The following ANXA9 variants were observed in gnomAD, a reference collection of about 807,000 sequenced individuals.
ANXA9 encodes annexin 31.
ANXA9 carries 47 observed loss-of-function variants against 51.8 expected under a neutral mutation model. The ratio of observed to expected loss-of-function variants is 0.91; its 90% CI spans 0.72 to 1.16. The LOEUF (loss-of-function observed/expected upper bound fraction) is 1.16, where lower values mean the gene tolerates loss of function less well. ANXA9 is among the 50% of genes most tolerant of loss of function. The pLI, the probability that ANXA9 is intolerant of heterozygous loss-of-function variation, is 0.00. For missense variants in ANXA9, 361 were observed against 424.7 expected (o/e 0.85, Z 1.32); for synonymous variants, 154 against 168.7 (o/e 0.91, Z 0.68).
chr1:150,981,073 A>G (rs1423146434), upstream of ANXA9, among the ~76,000 whole-genome samples: 1 of 152,112 alleles, frequency 6.6e-6, no homozygotes, highest in African/African-American at 2.4e-5. Flanking sequence ...TCCCATTTAG[A>G]GAGCTGAAAG....
At chr1:150,984,881 G>A (rs1420978672) in intron 7 of ANXA9, among the ~76,000 whole-genome samples, 1 of 152,010 alleles carries the variant, frequency 6.6e-6, no homozygotes, top group East Asian at 1.9e-4. Flanking sequence ...AGAGAAGCAG[G>A]CCAGGTACGG....
chr1:150,995,218 G>A, intron 13 of ANXA9, 42 bp from the exon 14 acceptor site: 1 of 1,589,088 alleles, frequency 6.3e-7, no homozygotes, highest in Non-Finnish European at 8.6e-7. Flanking sequence ...TTGGGCCATA[G>A]TGGTGGTGGA....
Position 150,986,673 on chromosome 1 carries a change from G to A in ANXA9, c.612+12G>A, listed in dbSNP as rs746092912. 3.8e-6 allele frequency: 6 copies of A among 1,585,420 alleles called. No individual in the cohort carries two copies. The highest frequency in any genetic ancestry group is 3.4e-6 in the Non-Finnish European group (4 of 1,171,350). On this transcript the variant is annotated intron_variant, in intron 9 of 13. Transcript: ENST00000368947. ...AACAAGATGTCCAGGTGAGCAGGGGGTTTAGGAGTGTGCACAGCCGCCATG... is the reference window on the plus strand; with the variant it reads ...AACAAGATGTCCAGGTGAGCAGGGGATTTAGGAGTGTGCACAGCCGCCATG...
chr1:150,985,865 C>A (rs1223608654), intron 7 of ANXA9, among the ~76,000 whole-genome samples: 3 of 152,146 alleles, frequency 2.0e-5, no homozygotes, highest in Non-Finnish European at 2.9e-5. Flanking sequence ...CCGCCCTGGC[C>A]GTGGCCTATG....
Position 150,994,568 on chromosome 1 carries a change from C to T in ANXA9, c.853-9C>T. On this transcript the variant is annotated splice_polypyrimidine_tract_variant and intron_variant, in intron 12 of 13. Coordinates refer to ENST00000368947, the MANE Select transcript of ANXA9 (RefSeq NM_003568.3). Reference sequence around the variant, plus strand: ...CTAACTACCCCCCATCTCTTTCTTCCCCTACTAGGAAACTGAGCCCAATTA... The same window carrying T: ...CTAACTACCCCCCATCTCTTTCTTCTCCTACTAGGAAACTGAGCCCAATTA... 2.5e-6 allele frequency: 4 copies of T among 1,613,652 alleles called. No homozygotes were observed. Among genetic ancestry groups the T allele is most frequent in the Non-Finnish European group, 3.4e-6 (4 of 1,179,690 alleles).
chr1:150,984,974 G>A (rs1007583699), intron 7 of ANXA9, among the ~76,000 whole-genome samples: 6 of 151,888 alleles, frequency 4.0e-5, no homozygotes, highest in Admixed American at 2.0e-4. Flanking sequence ...CCAGTCACAG[G>A]CAATAAAGGA....
At chr1:150,993,592 G>A (rs1170808384) in intron 12 of ANXA9, among the ~76,000 whole-genome samples, 3 of 148,420 alleles carry the variant, frequency 2.0e-5, no homozygotes, top group Non-Finnish European at 4.4e-5. Flanking sequence ...TTACAGGCAT[G>A]AGCCACCACA....
rs374591781 is a variant in ANXA9, at chr1:150,988,118, G to A, written c.725G>A (p.Gly242Glu). Reference sequence around the variant, plus strand: ...TTTGATCAGTACCAGCGGAGCACTGGGCAAGAGCTGGAGGAGGCTGTCCAG... The same window carrying A: ...TTTGATCAGTACCAGCGGAGCACTGAGCAAGAGCTGGAGGAGGCTGTCCAG... ...RVFDQYQRST[G>E]QELEEAVQNR... is the part of the protein sequence containing the mutation. Residue 242 changes from glycine (G) to glutamate (E), a missense_variant, in exon 11 of 14, where the codon GGG (glycine) becomes GAG (glutamate). Gly to Glu is a moderately conservative substitution (Grantham distance 98). Coordinates refer to ENST00000368947, the MANE Select transcript of ANXA9 (RefSeq NM_003568.3). 23 of 1,614,042 alleles carry A rather than the reference G, an allele frequency of 1.4e-5. No homozygotes were observed. Among genetic ancestry groups the A allele is most frequent in the Non-Finnish European group, 1.8e-5 (21 of 1,180,034 alleles).
chr1:150,991,807 C>T (rs1225750752), intron 12 of ANXA9, among the ~76,000 whole-genome samples: 1 of 144,276 alleles, frequency 6.9e-6, no homozygotes, highest in African/African-American at 2.6e-5. Flanking sequence ...TGCTCTGTCA[C>T]CCAGGCTGGA....
chr1:150,977,681 C>T (rs1035530934), upstream of ANXA9, among the ~76,000 whole-genome samples: 1 of 152,224 alleles, frequency 6.6e-6, no homozygotes, highest in Non-Finnish European at 1.5e-5. Flanking sequence ...GAACTGTTAA[C>T]ACTGAAGCCT....
chr1:150,988,198 C>G lies in ANXA9; in HGVS notation c.793+12C>G. ...TCTGCTCGGCCTAGGTAGGGGCCTG[C>G]TCAGGATTTGTGAAGTAAGTCTCTC... On this transcript the variant is annotated intron_variant, in intron 11 of 13. Coordinates refer to ENST00000368947, the MANE Select transcript of ANXA9 (RefSeq NM_003568.3). The G allele has an allele frequency of 1.2e-6, 2 of 1,614,198 alleles. No individual in the cohort carries two copies. Among genetic ancestry groups the G allele is most frequent in the Non-Finnish European group, 1.7e-6 (2 of 1,180,044 alleles).
intron 3 of ANXA9, 29 bp from the exon 4 acceptor site, chr1:150,983,309 C>A: frequency 1.2e-6 from 2 of 1,610,920 alleles, no homozygotes; most frequent in Non-Finnish European, 8.5e-7. Flanking sequence ...CTGGCCCTGG[C>A]CCTTGCCAAC....
At chr1:150,993,778 G>C (rs1289176730) in intron 12 of ANXA9, among the ~76,000 whole-genome samples, 1 of 151,518 alleles carries the variant, frequency 6.6e-6, no homozygotes, top group Non-Finnish European at 1.5e-5. Context: ...GGGATTGCAG[G>C]CACCCACCAC....
intron 2 of ANXA9, among the ~76,000 whole-genome samples, 196 bp from the exon 3 acceptor site, chr1:150,982,894 G>A (rs1671444946): frequency 6.6e-6 from 1 of 152,188 alleles, no homozygotes; most frequent in Non-Finnish European, 1.5e-5. Context: ...GAGAGGTGGG[G>A]AAGGTGGGGG....
upstream of ANXA9, among the ~76,000 whole-genome samples, chr1:150,979,286 C>T (rs1427952526): frequency 6.6e-6 from 1 of 151,838 alleles, no homozygotes; most frequent in Non-Finnish European, 1.5e-5. Flanking sequence ...TGGAGAGATT[C>T]GGCGTGAGGA....
upstream of ANXA9, among the ~76,000 whole-genome samples, chr1:150,979,546 C>A (rs1441322756): frequency 6.6e-6 from 1 of 152,168 alleles, no homozygotes; most frequent in Non-Finnish European, 1.5e-5. Context: ...CAATTCCACC[C>A]AGGAACCTGG....
At position 150,995,492 on chromosome 1, in the gene ANXA9, A is replaced by G. The variant is rs751524358; in HGVS notation, c.*170A>G. On this transcript the variant is annotated 3_prime_UTR_variant, in exon 14 of 14. Transcript: ENST00000368947. ...TTCTTTAAAATCCCTTAATTTTCCC[A>G]TCTCAAAATTATATCTGTACCTGGG... 7.9e-5 allele frequency: 47 copies of G among 591,742 alleles called. 1 individual carries two copies. The highest frequency in any genetic ancestry group is 1.2e-4 in the Non-Finnish European group (43 of 352,444). The allele number at this position is 591,742 out of a possible 1,614,324, so 36.7% of individuals were successfully genotyped here.
intron 4 of ANXA9, among the ~76,000 whole-genome samples, chr1:150,983,697 C>T (rs1255647277): frequency 6.6e-6 from 1 of 152,096 alleles, no homozygotes; most frequent in African/African-American, 2.4e-5. Flanking sequence ...CAGCTCATGA[C>T]GGAGGTGGTA....
At chr1:150,985,019 G>C (rs1264286451) in intron 7 of ANXA9, among the ~76,000 whole-genome samples, 2 of 151,962 alleles carry the variant, frequency 1.3e-5, no homozygotes, top group Non-Finnish European at 2.9e-5. Flanking sequence ...AAAAAAACCA[G>C]CTGGTCATGG....
Sources: gnomAD v4.1 joint callset for allele counts (sites outside exome capture counted in the v4.1 genomes callset) on GRCh38, gnomAD v4.1.1 for gene constraint, MANE v1.5 for transcripts, NCBI Gene and HGNC (gene_info 2026-07-23, HGNC 2026-07-21) for gene names.